Variants in ANKRD28 observed in about 807,000 individuals in gnomAD.
ANKRD28 encodes the protein serine/threonine-protein phosphatase 6 regulatory ankyrin repeat subunit A.
ANKRD28 carries 44 observed loss-of-function variants against 126.5 expected under a neutral mutation model. The ratio of observed to expected loss-of-function variants is 0.35; its 90% CI spans 0.27 to 0.45. ANKRD28 has a LOEUF of 0.45. Ranked by LOEUF, ANKRD28 falls within the 20% of genes least tolerant of loss-of-function variation. The pLI is 1.00. For synonymous variants in ANKRD28, 442 were observed against 468.5 expected (o/e 0.94, Z 0.73); for missense variants, 1,110 against 1,316.6 (o/e 0.84, Z 2.43).
intron 2 of ANKRD28, among the ~76,000 whole-genome samples, chr3:15,790,267 G>C (rs2125773704): frequency 6.6e-6 from 1 of 152,090 alleles, no homozygotes. Flanking sequence ...AAAAAATAGA[G>C]GAGGGAATAC....
At chr3:15,764,840 T>C (rs548901845) in intron 3 of ANKRD28, among the ~76,000 whole-genome samples, 2 of 152,292 alleles carry the variant, frequency 1.3e-5, no homozygotes, top group East Asian at 3.9e-4. Context: ...AAATTATTCA[T>C]AAAGAAGCTA....
chr3:15,837,095 G>A (rs1436884863), intron 1 of ANKRD28, among the ~76,000 whole-genome samples: 8 of 104,994 alleles, frequency 7.6e-5, no homozygotes, highest in Admixed American at 5.0e-4. Context: ...GCAAGACTCC[G>A]TCTCAAAAAA....
At chr3:15,773,791 A>G (rs922364406) in intron 2 of ANKRD28, among the ~76,000 whole-genome samples, 5 of 152,224 alleles carry the variant, frequency 3.3e-5, no homozygotes, top group African/African-American at 1.2e-4. Flanking sequence ...TGCAATCACA[A>G]TAAAAATCCT....
In ANKRD28 at chr3:15,721,108, T is replaced by C. The variant is rs1270276657; in HGVS notation, c.803A>G (p.Tyr268Cys). 19 of 1,612,046 alleles carry C rather than the reference T, an allele frequency of 1.2e-5. No homozygotes were observed. In the East Asian group the frequency reaches 1.6e-4, roughly 13 times the overall value. ...GGCTACATGAAGAGGTGTATTTCCA[T>C]AGGCATTTGGTTCATTCATCTATTA... ...LGVDMNEPNA[Y>C]GNTPLHVACY... Residue 268 changes from tyrosine to cysteine, a missense_variant, in exon 8 of 28, where the codon TAT becomes TGT. Tyr to Cys is a radical substitution (Grantham distance 194). Coordinates refer to ENST00000683139, the MANE Select transcript of ANKRD28 (RefSeq NM_001349278.2).
intron 1 of ANKRD28, among the ~76,000 whole-genome samples, chr3:15,848,273 G>A (rs945145187): frequency 1.3e-5 from 2 of 152,170 alleles, no homozygotes; most frequent in African/African-American, 4.8e-5. Flanking sequence ...AAGAAACTCT[G>A]ACAATAATGT....
chr3:15,764,452 C>A (rs568032167), intron 3 of ANKRD28, among the ~76,000 whole-genome samples: 1 of 151,944 alleles, frequency 6.6e-6, no homozygotes, highest in Non-Finnish European at 1.5e-5. Context: ...AACTAAAAAT[C>A]CTTGTTGCAA....
intron 23 of ANKRD28, among the ~76,000 whole-genome samples, chr3:15,678,920 A>G (rs1158023434): frequency 6.6e-6 from 1 of 152,228 alleles, no homozygotes; most frequent in Non-Finnish European, 1.5e-5. Flanking sequence ...GGTTTTCTGT[A>G]AATTCTCTCA....
intron 4 of ANKRD28, among the ~76,000 whole-genome samples, chr3:15,750,626 C>T (rs1002812756): frequency 2.0e-5 from 3 of 152,154 alleles, no homozygotes; most frequent in African/African-American, 7.2e-5. Context: ...GTTTGTAATC[C>T]TTCTCAGTCA....
chr3:15,766,514 T>C (rs1340478951), intron 2 of ANKRD28, among the ~76,000 whole-genome samples: 1 of 151,936 alleles, frequency 6.6e-6, no homozygotes. Flanking sequence ...CAAGACCTTG[T>C]CTCTACAAAA....
At position 15,836,966 on chromosome 3, in the gene ANKRD28, G is replaced by A. The variant is rs972946414; in HGVS notation, c.27+22411C>T. Among the ~76,000 whole-genome samples the A allele has an allele frequency of 1.8e-4, 28 of 152,108 alleles. No homozygotes were observed. The East Asian group carries it at 5.2e-3, about 28-fold the overall frequency. On this transcript the variant is annotated intron_variant, in intron 1 of 27. Coordinates refer to the ANKRD28 transcript ENST00000399451. ...ATACAAAAAATTAGCCGGGCATGGTGGCGGGCGCCTGTAGTCCTTGCTACT... is the reference window on the plus strand; with the variant it reads ...ATACAAAAAATTAGCCGGGCATGGTAGCGGGCGCCTGTAGTCCTTGCTACT...
At chr3:15,756,713 G>C (rs2058180702) in intron 3 of ANKRD28, among the ~76,000 whole-genome samples, 1 of 152,130 alleles carries the variant, frequency 6.6e-6, no homozygotes, top group Non-Finnish European at 1.5e-5. Flanking sequence ...GAGGTGAGGG[G>C]GAGGTGGATA....
chr3:15,738,939 G>A (rs2075242911), intron 4 of ANKRD28: 1 of 152,176 alleles, frequency 6.6e-6, no homozygotes, highest in Non-Finnish European at 1.5e-5. Flanking sequence ...CTCTTTCTCA[G>A]GGATGTTCCT....
At position 15,669,118 on chromosome 3, in the gene ANKRD28, G is replaced by A. The variant is rs1575052270; in HGVS notation, c.*1152C>T. 2 of 152,258 alleles carry A rather than the reference G, an allele frequency of 1.3e-5. No individual in the cohort carries two copies. The highest frequency in any genetic ancestry group is 1.3e-4 in the Admixed American group (2 of 15,284). The allele number at this position is 152,258 out of a possible 1,614,324, so 9.4% of individuals were successfully genotyped here. On this transcript the variant is annotated 3_prime_UTR_variant, in exon 28 of 28. Transcript: ENST00000683139. ...AAACATGCTACTTTAAATATGAATA[G>A]GACCTAAGGCTTTAGTATTTTAAAT...
chr3:15,775,216 T>G (rs2059202494), intron 2 of ANKRD28, among the ~76,000 whole-genome samples: 1 of 152,206 alleles, frequency 6.6e-6, no homozygotes, highest in South Asian at 2.1e-4. Context: ...AGGCTGGCTA[T>G]ATGCATGCTT....
At chr3:15,844,222 A>T (rs757090860) in intron 1 of ANKRD28, among the ~76,000 whole-genome samples, 1 of 152,192 alleles carries the variant, frequency 6.6e-6, no homozygotes, top group African/African-American at 2.4e-5. Flanking sequence ...TGGTCACCCA[A>T]ACAAAATCTC....
chr3:15,696,298 A>G, intron 14 of ANKRD28, 53 bp from the exon 15 acceptor site: 1 of 1,172,378 alleles, frequency 8.5e-7, no homozygotes. Flanking sequence ...CATATTAACC[A>G]ATGATAAAAA....
chr3:15,837,908 A>C (rs2125958269), intron 1 of ANKRD28, among the ~76,000 whole-genome samples: 1 of 152,044 alleles, frequency 6.6e-6, no homozygotes, highest in South Asian at 2.1e-4. Flanking sequence ...AAAAAAAAAA[A>C]AATGAAGATA....
At position 15,817,997 on chromosome 3, in the gene ANKRD28, A is replaced by G. The variant is rs1489740840; in HGVS notation, c.28-22691T>C. Among the ~76,000 whole-genome samples, 1 of 152,220 alleles carries G rather than the reference A, an allele frequency of 6.6e-6. No homozygotes were observed. The highest frequency in any genetic ancestry group is 1.5e-5 in the Non-Finnish European group (1 of 68,034). ...GGAAATCAAAACAAAAAGCAGTACC[A>G]TTTATAATAATACCCCAAAACTCAA... On this transcript the variant is annotated intron_variant, in intron 1 of 27. Transcript: ENST00000399451. This position sits in a 1 kb window ranked among gnomAD's most constrained non-coding sequence, Gnocchi z 4.5.
At chr3:15,809,667 C>G (rs2060666160) in intron 1 of ANKRD28, among the ~76,000 whole-genome samples, 1 of 152,136 alleles carries the variant, frequency 6.6e-6, no homozygotes, top group African/African-American at 2.4e-5. Context: ...GCTCTGCTTG[C>G]CTGGCCAGTA....
Sources: allele counts gnomAD v4.1 joint callset (sites outside exome capture counted in the v4.1 genomes callset), GRCh38; gene constraint gnomAD v4.1.1; non-coding constraint Gnocchi (gnomAD v3.1); transcripts MANE v1.5; gene names NCBI Gene and HGNC (gene_info 2026-07-23, HGNC 2026-07-21).